The following MKLN1 variants were observed in gnomAD, a reference collection of about 807,000 sequenced individuals.
MKLN1 encodes muskelin 1.
MKLN1 carries 18 observed loss-of-function variants against 99.0 expected under a neutral mutation model. The ratio of observed to expected loss-of-function variants is 0.18; its 90% CI spans 0.13 to 0.27. The LOEUF (loss-of-function observed/expected upper bound fraction) is 0.27. MKLN1 is among the 10% of genes least tolerant of loss of function. The pLI is 1.00. For missense variants in MKLN1, 621 were observed against 875.9 expected, an observed-to-expected ratio of 0.71 and a Z score of 3.67; for synonymous variants, 288 against 293.2, an observed-to-expected ratio of 0.98 and a Z score of 0.18.
At chr7:131,133,353 C>CTTTTTTTTTTTT (rs1198245681) in intron 1 of MKLN1, among the ~76,000 whole-genome samples, 67 of 93,636 alleles carry the variant, frequency 7.2e-4, no homozygotes, top group Non-Finnish European at 1.0e-3. Flanking sequence ...TTCTTTCTTT[C>CTTTTTTTTTTTT]TTTTTTTTTT....
At chr7:131,482,470 A>G (rs1393656222) in intron 17 of MKLN1, among the ~76,000 whole-genome samples, 2 of 152,178 alleles carry the variant, frequency 1.3e-5, no homozygotes, top group African/African-American at 4.8e-5. Flanking sequence ...CAGTCCAAAT[A>G]TAAAGTTTAG....
intron 3 of MKLN1, among the ~76,000 whole-genome samples, chr7:131,298,946 G>A (rs1798335770): frequency 1.3e-5 from 2 of 152,198 alleles, no homozygotes; most frequent in Non-Finnish European, 2.9e-5. Context: ...GGGAGGCCGA[G>A]GTAGGAGGAG....
chr7:131,160,492 AATTATTATT>A (rs60725549), intron 2 of MKLN1, among the ~76,000 whole-genome samples: 7,448 of 138,946 alleles, frequency 0.054, 238 homozygotes, highest in Middle Eastern at 0.069. Flanking sequence ...TATTATTATT[AATTATTATT>A]ATTATTATTA....
At chr7:131,359,386 T>C (rs1024052149) in intron 1 of MKLN1, among the ~76,000 whole-genome samples, 5 of 152,204 alleles carry the variant, frequency 3.3e-5, no homozygotes, top group Admixed American at 6.5e-5. Context: ...TCTTCAACTC[T>C]TTTACATTAC....
chr7:131,359,908 AT>A (rs1799979824), intron 1 of MKLN1, among the ~76,000 whole-genome samples: 1 of 151,640 alleles, frequency 6.6e-6, no homozygotes, highest in Middle Eastern at 3.2e-3. Context: ...TAATTTTTGT[AT>A]TTTTAGTAGA....
chr7:131,488,497 G>T lies in MKLN1; in HGVS notation c.*769G>T, dbSNP rs903292322. On this transcript the variant is annotated 3_prime_UTR_variant, in exon 18 of 18. Coordinates refer to ENST00000352689, the MANE Select transcript of MKLN1 (RefSeq NM_013255.5). ...AGTCACAGAAACCTTAAACTGAGGA[G>T]ACAATAGTTCAGAACCTTTTTAAGA... 6.6e-6 allele frequency: 1 copy of T among 152,456 alleles called. No individual in the cohort carries two copies. 9.4% of individuals were successfully genotyped at this position (152,456 alleles called of 1,614,324 possible).
chr7:131,301,638 G>A (rs183595815), intron 3 of MKLN1, among the ~76,000 whole-genome samples: 3 of 152,168 alleles, frequency 2.0e-5, no homozygotes, highest in Admixed American at 1.3e-4. Flanking sequence ...ATGGTCTATA[G>A]CTCAGTTCAT....
chr7:131,457,095 T>C (rs938942352), intron 12 of MKLN1, among the ~76,000 whole-genome samples: 1 of 151,938 alleles, frequency 6.6e-6, no homozygotes, highest in African/African-American at 2.4e-5. Context: ...CTGACCAACA[T>C]GGAGAAACCC....
intron 3 of MKLN1, among the ~76,000 whole-genome samples, chr7:131,280,633 T>A (rs932596384): frequency 1.5e-5 from 2 of 129,090 alleles, no homozygotes; most frequent in Admixed American, 1.7e-4. Context: ...TTCATCCATG[T>A]TTTTTTTTTC....
At chr7:131,401,779 T>C (rs1387560274) in intron 6 of MKLN1, among the ~76,000 whole-genome samples, 1 of 152,214 alleles carries the variant, frequency 6.6e-6, no homozygotes, top group African/African-American at 2.4e-5. Context: ...CTTTCCACTT[T>C]ACTGTAGCCT....
At chr7:131,421,422 G>A (rs1795188505) in intron 8 of MKLN1, among the ~76,000 whole-genome samples, 1 of 152,046 alleles carries the variant, frequency 6.6e-6, no homozygotes, top group African/African-American at 2.4e-5. Context: ...TTAATGATAT[G>A]GCAGCCACAT....
intron 1 of MKLN1, among the ~76,000 whole-genome samples, chr7:131,360,781 T>C (rs1800007170): frequency 6.6e-6 from 1 of 152,194 alleles, no homozygotes; most frequent in Admixed American, 6.5e-5. Flanking sequence ...GTAACCTATA[T>C]AGCTGTTCTT....
chr7:131,268,392 T>C (rs559519929), intron 3 of MKLN1, among the ~76,000 whole-genome samples: 1 of 152,276 alleles, frequency 6.6e-6, no homozygotes, highest in South Asian at 2.1e-4. Context: ...GATAGGCTAA[T>C]TGTTATAAGA....
chr7:131,376,197 G>T (rs1368257902), intron 2 of MKLN1, among the ~76,000 whole-genome samples: 1 of 124,652 alleles, frequency 8.0e-6, no homozygotes, highest in African/African-American at 2.8e-5. Context: ...GTGTTTACAT[G>T]TTTTATTGCA....
At chr7:131,290,839 G>T (rs1228093485) in intron 3 of MKLN1, among the ~76,000 whole-genome samples, 3 of 152,060 alleles carry the variant, frequency 2.0e-5, no homozygotes. Context: ...CTAATTAATT[G>T]CTGGTAGACT....
chr7:131,328,833 T>G (rs536105367), intron 1 of MKLN1, among the ~76,000 whole-genome samples: 1 of 152,224 alleles, frequency 6.6e-6, no homozygotes, highest in South Asian at 2.1e-4. Flanking sequence ...GTTGGTGGTG[T>G]TTTTTTCTCT....
intron 3 of MKLN1, among the ~76,000 whole-genome samples, chr7:131,225,569 C>T (rs975152589): frequency 2.0e-5 from 3 of 152,154 alleles, no homozygotes; most frequent in Non-Finnish European, 4.4e-5. Context: ...CACTTTGGAG[C>T]AACAGATCTC....
chr7:131,116,594 T>C (rs1795281493), intron 1 of MKLN1, among the ~76,000 whole-genome samples: 1 of 151,850 alleles, frequency 6.6e-6, no homozygotes, highest in African/African-American at 2.4e-5. Context: ...ATTGACTAAA[T>C]CATTACTTTG....
chr7:131,237,588 A>G (rs902739685), intron 3 of MKLN1, among the ~76,000 whole-genome samples: 1 of 152,182 alleles, frequency 6.6e-6, no homozygotes, highest in Non-Finnish European at 1.5e-5. Flanking sequence ...ATTAGGCTGT[A>G]TAATCGAAGT....
Sources: allele counts gnomAD v4.1 joint callset (sites outside exome capture counted in the v4.1 genomes callset), GRCh38; gene constraint gnomAD v4.1.1; transcripts MANE v1.5; gene names NCBI Gene and HGNC (gene_info 2026-07-23, HGNC 2026-07-21).